The following ASIC4 variants were observed in gnomAD, a reference collection of about 807,000 sequenced individuals.
ASIC4 encodes the protein acid-sensing ion channel 4.
ASIC4 carries 28 observed loss-of-function variants against 53.4 expected under a neutral mutation model. The observed-to-expected ratio is 0.52, with a 90% CI of 0.39 to 0.72. The LOEUF (loss-of-function observed/expected upper bound fraction) is 0.72. ASIC4 is among the 30% of genes least tolerant of loss of function. The pLI, the probability that ASIC4 is intolerant of heterozygous loss-of-function variation, is 0.00. For synonymous variants in ASIC4, 289 were observed against 301.4 expected (o/e 0.96, Z 0.43); for missense variants, 649 against 729.7 (o/e 0.89, Z 1.27).
At chr2:219,520,097 C>T (rs957381180) in intron 1 of ASIC4, among the ~76,000 whole-genome samples, 2 of 152,068 alleles carry the variant, frequency 1.3e-5, no homozygotes, top group African/African-American at 2.4e-5. Context: ...CCCGGGGGGC[C>T]AGGAGCCTGG....
At chr2:219,507,859 T>A in the ASIC4 span, among the ~76,000 whole-genome samples, 1 of 152,074 alleles carries the variant, frequency 6.6e-6, no homozygotes, top group Non-Finnish European at 1.5e-5. Context: ...TGGGGCCTTG[T>A]TATCAGCACC....
At position 219,517,857 on chromosome 2, in the gene ASIC4, G is replaced by A. The variant is rs1237336575; in HGVS notation, c.582+2551G>A. Among the ~76,000 whole-genome samples, 1 of 152,056 alleles carries A rather than the reference G, an allele frequency of 6.6e-6. No individual in the cohort carries two copies. Among genetic ancestry groups the A allele is most frequent in the Non-Finnish European group, 1.5e-5 (1 of 67,994 alleles). ...CAGAGACAGGGACAGGCTTCACCAA[G>A]GGGCTGTTATGTGTTTTCTGTTGCT... On this transcript the variant is annotated intron_variant, in intron 1 of 9. Coordinates refer to ENST00000358078, the MANE Select transcript of ASIC4 (RefSeq NM_018674.6). The surrounding 1 kb of genome is among the most constrained non-coding windows in gnomAD (Gnocchi z 4.2).
At chr2:219,525,354 A>G (rs1232242320) in intron 1 of ASIC4, among the ~76,000 whole-genome samples, 3 of 152,242 alleles carry the variant, frequency 2.0e-5, no homozygotes, top group Admixed American at 2.0e-4. Flanking sequence ...ACATGAAGAA[A>G]CTGAGGCCCA....
chr2:219,521,159 C>T (rs1408801155), intron 1 of ASIC4, among the ~76,000 whole-genome samples: 2 of 152,124 alleles, frequency 1.3e-5, no homozygotes, highest in Non-Finnish European at 1.5e-5. Flanking sequence ...TGTGGCCTGG[C>T]AGGGAAGGGC....
chr2:219,518,255 A>C lies in ASIC4; in HGVS notation c.582+2949A>C, dbSNP rs143355254. Among the ~76,000 whole-genome samples, 249 of 152,320 alleles carry C rather than the reference A, an allele frequency of 1.6e-3. 1 individual carries two copies. The highest frequency in any genetic ancestry group is 3.0e-3 in the Non-Finnish European group (204 of 68,022). ...GGGACACTCAGAAGTTTAAGCAACC[A>C]TGCAAGAGTTAATCAGCCATGCAAG... On this transcript the variant is annotated intron_variant, in intron 1 of 9. Coordinates refer to ENST00000358078, the MANE Select transcript of ASIC4 (RefSeq NM_018674.6). The surrounding 1 kb of genome is among the most constrained non-coding windows in gnomAD (Gnocchi z 4.8).
In ASIC4 at chr2:219,517,909, C is replaced by T. The variant is rs1414814608; in HGVS notation, c.582+2603C>T. Among the ~76,000 whole-genome samples the T allele has an allele frequency of 6.6e-6, 1 of 152,090 alleles. No individual in the cohort carries two copies. The highest frequency in any genetic ancestry group is 2.4e-5 in the African/African-American group (1 of 41,376). Reference sequence around the variant, plus strand: ...TCCCTGTTTCCTCCTTCCCACTCCCCACTCTGCTGTGACCTTTCCTCTGGA... The same window carrying T: ...TCCCTGTTTCCTCCTTCCCACTCCCTACTCTGCTGTGACCTTTCCTCTGGA... On this transcript the variant is annotated intron_variant, in intron 1 of 9. Coordinates refer to ENST00000358078, the MANE Select transcript of ASIC4 (RefSeq NM_018674.6). This position sits in a 1 kb window ranked among gnomAD's most constrained non-coding sequence, Gnocchi z 4.2.
the ASIC4 span, chr2:219,507,132 C>T: frequency 3.6e-5 from 11 of 303,064 alleles, no homozygotes; most frequent in Non-Finnish European, 5.6e-5. Context: ...GGTAAATCTC[C>T]CCCTCCCACT....
rs1695133938 is a variant in ASIC4 at position 219,536,169 on chromosome 2, C to A, written c.1229+845C>A. ...GCTTCCAGGTCCAAACACCTTTCAT[C>A]TGAGTTCCCAGCACCCGTACAGATC... On this transcript the variant is annotated intron_variant, in intron 6 of 9. Transcript: ENST00000358078. The surrounding 1 kb of genome is among the most constrained non-coding windows in gnomAD (Gnocchi z 4.6). Among the ~76,000 whole-genome samples, 2 of 152,242 alleles carry A rather than the reference C, an allele frequency of 1.3e-5. No individual in the cohort carries two copies. Among genetic ancestry groups the A allele is most frequent in the African/African-American group, 4.8e-5 (2 of 41,468 alleles).
rs538668686 is a variant in ASIC4 at position 219,531,671 on chromosome 2, G to A, written c.583-87G>A. ...GGACTGGAGTGTCCAAGCAGATCTGGTGGCCCTCAGCAGGGAGCAGGGAAC... is the reference window on the plus strand; with the variant it reads ...GGACTGGAGTGTCCAAGCAGATCTGATGGCCCTCAGCAGGGAGCAGGGAAC... On this transcript the variant is annotated intron_variant, in intron 1 of 9. Coordinates refer to ENST00000358078, the MANE Select transcript of ASIC4 (RefSeq NM_018674.6). 528 of 1,442,878 alleles carry A rather than the reference G, an allele frequency of 3.7e-4. 3 individuals are homozygous for A. The highest frequency in any genetic ancestry group is 1.1e-3 in the South Asian group (79 of 73,328). The allele number at this position is 1,442,878 out of a possible 1,614,324, so 89.4% of individuals were successfully genotyped here.
chr2:219,525,201 T>C (rs1041028514), intron 1 of ASIC4, among the ~76,000 whole-genome samples: 1 of 152,234 alleles, frequency 6.6e-6, no homozygotes, highest in Non-Finnish European at 1.5e-5. Context: ...CTGCCCTAGC[T>C]TGGTTCATGC....
chr2:219,523,111 A>G (rs920047688), intron 1 of ASIC4, among the ~76,000 whole-genome samples: 2 of 150,480 alleles, frequency 1.3e-5, no homozygotes, highest in Admixed American at 6.6e-5. Flanking sequence ...TTGTCTCCTG[A>G]ACTCCCGCCT....
rs1403829124 is a variant in ASIC4, at chr2:219,531,902, A to C, written c.727A>C (p.Asn243His). The change falls in exon 2 of 10, where the codon AAT becomes CAT. Residue 243 changes from asparagine (N) to histidine (H), a missense_variant and splice_region_variant. Physicochemically the swap from Asn to His is moderately conservative, Grantham distance 68. Transcript: ENST00000358078. ...EEYLPIWRET[N>H]ETSFEAGIRV... ...GTACCTGCCCATCTGGAGGGAGACA[A>C]GTACGCAGGCCGGAAAGGGACAAGG... 3 of 1,611,210 alleles carry C rather than the reference A, an allele frequency of 1.9e-6. No individual in the cohort carries two copies. Among genetic ancestry groups the C allele is most frequent in the Non-Finnish European group, 2.5e-6 (3 of 1,178,144 alleles).
upstream of ASIC4, among the ~76,000 whole-genome samples, chr2:219,509,329 G>T (rs1259510675): frequency 6.6e-6 from 1 of 152,154 alleles, no homozygotes; most frequent in African/African-American, 2.4e-5. This position sits in a 1 kb window ranked among gnomAD's most constrained non-coding sequence, Gnocchi z 5.2. Flanking sequence ...AAACACAAAG[G>T]GGGTGGAAAG....
upstream of ASIC4, among the ~76,000 whole-genome samples, chr2:219,513,736 A>G (rs911959702): frequency 6.6e-6 from 1 of 152,242 alleles, no homozygotes; most frequent in Admixed American, 6.5e-5. Context: ...CAAGCTGGCC[A>G]GGGTGCTGTC....
rs553705747 is a variant in ASIC4, at chr2:219,531,484, G to C, written c.583-274G>C. Among the ~76,000 whole-genome samples the C allele has an allele frequency of 7.2e-5, 11 of 152,322 alleles. No homozygotes were observed. In the South Asian group the frequency reaches 2.3e-3, roughly 32 times the overall value. ...GAAACTGGGTGGATATAGTGGGGTG[G>C]TTTACTAGGGTGGAGGAAAACGGTG... On this transcript the variant is annotated intron_variant, in intron 1 of 9. Transcript: ENST00000358078.
At chr2:219,527,821 T>C (rs956138658) in intron 1 of ASIC4, among the ~76,000 whole-genome samples, 3 of 152,228 alleles carry the variant, frequency 2.0e-5, no homozygotes, top group Non-Finnish European at 4.4e-5. Flanking sequence ...TTGATAGTGT[T>C]TGCTTTCCTT....
chr2:219,533,610 G>A (rs879775367), intron 5 of ASIC4: 3 of 154,440 alleles, frequency 1.9e-5, no homozygotes, highest in Admixed American at 1.9e-4. Context: ...AGGCTTGATG[G>A]GTGTATAAGA....
In ASIC4 at chr2:219,537,370, C is replaced by A; in HGVS notation, c.1401+49C>A. On this transcript the variant is annotated intron_variant, in intron 8 of 9. Transcript: ENST00000358078. The surrounding 1 kb of genome is among the most constrained non-coding windows in gnomAD (Gnocchi z 4.9). ...GTGGGAGTGGGGGCCGTGGGCAAAG[C>A]AGAAGGGGGCAGTGCGGGGTGCCTG... is the stretch of plus-strand genomic sequence containing the variant. 6.4e-7 allele frequency: 1 copy of A among 1,562,086 alleles called. No individual in the cohort carries two copies.
At position 219,514,577 on chromosome 2, in the gene ASIC4, C is replaced by T; in HGVS notation, c.-148C>T. The T allele has an allele frequency of 6.3e-7, 1 of 1,580,750 alleles. No homozygotes were observed. The highest frequency in any genetic ancestry group is 8.6e-7 in the Non-Finnish European group (1 of 1,163,648). On this transcript the variant is annotated 5_prime_UTR_variant, in exon 1 of 10. Coordinates refer to ENST00000358078, the MANE Select transcript of ASIC4 (RefSeq NM_018674.6). The stretch of plus-strand genomic sequence containing the variant: ...GTGGGAGTGACTCCCCCACCTCGGG[C>T]CCCCACCCTGTCCCTGTCCTCTTCC...
Sources: gnomAD v4.1 joint callset for allele counts (sites outside exome capture counted in the v4.1 genomes callset) on GRCh38, gnomAD v4.1.1 for gene constraint, Gnocchi (gnomAD v3.1) non-coding constraint, MANE v1.5 for transcripts, NCBI Gene and HGNC (gene_info 2026-07-23, HGNC 2026-07-21) for gene names.